Variants in NIBAN1 observed in about 807,000 individuals in gnomAD.
NIBAN1 encodes protein Niban 1.
NIBAN1 carries 81 observed loss-of-function variants against 75.1 expected under a neutral mutation model. That is an observed-to-expected ratio of 1.08 (90% confidence interval 0.90 to 1.30). The LOEUF is 1.30. NIBAN1 is among the 50% of genes most tolerant of loss of function. The pLI is 0.00. For missense variants in NIBAN1, 1,133 were observed against 1,128.1 expected, an observed-to-expected ratio of 1.00 and a Z score of -0.06; for synonymous variants, 436 against 424.8, an observed-to-expected ratio of 1.03 and a Z score of -0.32.
chr1:184,824,286 T>C (rs1373549305), intron 6 of NIBAN1, among the ~76,000 whole-genome samples: 3 of 151,770 alleles, frequency 2.0e-5, no homozygotes, highest in African/African-American at 7.3e-5. Context: ...GGAGGAGCAG[T>C]GTGAAGAAGT....
At chr1:184,857,688 A>G (rs1655714474) in intron 5 of NIBAN1, among the ~76,000 whole-genome samples, 1 of 152,200 alleles carries the variant, frequency 6.6e-6, no homozygotes, top group African/African-American at 2.4e-5. Flanking sequence ...ACAAATAGAT[A>G]TACATATACA....
chr1:184,893,618 A>C (rs533524452), intron 3 of NIBAN1, among the ~76,000 whole-genome samples: 1 of 152,342 alleles, frequency 6.6e-6, no homozygotes, highest in Admixed American at 6.5e-5. Context: ...CCTATGAAAT[A>C]ACTCCTGAGC....
chr1:184,811,191 G>T (rs560738928), intron 9 of NIBAN1, among the ~76,000 whole-genome samples: 1 of 152,310 alleles, frequency 6.6e-6, no homozygotes, highest in Non-Finnish European at 1.5e-5. Flanking sequence ...CTGGTAGTAA[G>T]CAGTAATATT....
intron 9 of NIBAN1, among the ~76,000 whole-genome samples, chr1:184,808,817 T>TTC (rs1169206893): frequency 6.6e-6 from 1 of 152,168 alleles, no homozygotes. Flanking sequence ...AGGTATCCAG[T>TTC]TTGAAGAACT....
chr1:184,941,423 G>A (rs953924388), intron 1 of NIBAN1, among the ~76,000 whole-genome samples: 1 of 152,112 alleles, frequency 6.6e-6, no homozygotes, highest in African/African-American at 2.4e-5. Flanking sequence ...GCCGAGGCAG[G>A]TAGATTGCTT....
At chr1:184,842,373 A>G (rs1655310311) in intron 5 of NIBAN1, among the ~76,000 whole-genome samples, 1 of 152,168 alleles carries the variant, frequency 6.6e-6, no homozygotes, top group Non-Finnish European at 1.5e-5. Flanking sequence ...GAAGCTCCCG[A>G]GGTGATGCTG....
At chr1:184,834,635 G>A (rs969125330) in intron 5 of NIBAN1, among the ~76,000 whole-genome samples, 6 of 152,172 alleles carry the variant, frequency 3.9e-5, no homozygotes, top group African/African-American at 1.4e-4. Flanking sequence ...TCATGTGTCT[G>A]TTGGCTGCAT....
intron 5 of NIBAN1, among the ~76,000 whole-genome samples, chr1:184,872,632 A>T (rs528344903): frequency 6.6e-6 from 1 of 152,192 alleles, no homozygotes; most frequent in Non-Finnish European, 1.5e-5. Flanking sequence ...GCTTGAACCC[A>T]GGAGGTGGAG....
chr1:184,844,606 C>T (rs1435932895), intron 5 of NIBAN1, among the ~76,000 whole-genome samples: 2 of 152,092 alleles, frequency 1.3e-5, no homozygotes, highest in Admixed American at 6.6e-5. Flanking sequence ...TTTATCAGGT[C>T]GGAAAATAAG....
intron 1 of NIBAN1, among the ~76,000 whole-genome samples, chr1:184,942,213 C>T (rs569025193): frequency 1.6e-3 from 241 of 152,300 alleles, no homozygotes; most frequent in African/African-American, 5.5e-3. Flanking sequence ...CCAAGAAACA[C>T]AATAATAAAC....
intron 1 of NIBAN1, among the ~76,000 whole-genome samples, chr1:184,900,413 A>G (rs906556927): frequency 2.0e-5 from 3 of 152,218 alleles, no homozygotes; most frequent in Non-Finnish European, 4.4e-5. Context: ...GAAGGTGCTC[A>G]CTAGTCTACA....
chr1:184,884,560 T>G (rs1349251883), intron 5 of NIBAN1, 73 bp downstream of exon 5: 6 of 1,572,584 alleles, frequency 3.8e-6, no homozygotes, highest in Non-Finnish European at 5.2e-6. Context: ...CTGCAATAGA[T>G]GATGGACCAG....
intron 1 of NIBAN1, among the ~76,000 whole-genome samples, chr1:184,941,125 A>G (rs946028342): frequency 6.6e-5 from 10 of 152,210 alleles, no homozygotes; most frequent in African/African-American, 2.4e-4. Context: ...AAGGAGGAAA[A>G]AGAAAGGAGA....
intron 5 of NIBAN1, among the ~76,000 whole-genome samples, chr1:184,866,419 G>A (rs1462966897): frequency 1.3e-5 from 2 of 152,094 alleles, no homozygotes; most frequent in Non-Finnish European, 2.9e-5. Flanking sequence ...AGATGCAGAG[G>A]GAATTGAAAA....
intron 1 of NIBAN1, among the ~76,000 whole-genome samples, chr1:184,918,385 C>G (rs189057295): frequency 6.6e-6 from 1 of 152,320 alleles, no homozygotes; most frequent in African/African-American, 2.4e-5. Flanking sequence ...CATTAGAAAA[C>G]ACATAACTGA....
At chr1:184,838,431 A>C (rs1163811132) in intron 5 of NIBAN1, among the ~76,000 whole-genome samples, 2 of 152,220 alleles carry the variant, frequency 1.3e-5, no homozygotes, top group Non-Finnish European at 2.9e-5. Flanking sequence ...CTGAGAAACG[A>C]TAAGCATTTG....
intron 1 of NIBAN1, among the ~76,000 whole-genome samples, chr1:184,959,822 A>G (rs993203243): frequency 6.6e-6 from 1 of 152,206 alleles, no homozygotes; most frequent in African/African-American, 2.4e-5. Context: ...TGGATGATGG[A>G]AGCATGAACT....
intron 3 of NIBAN1, among the ~76,000 whole-genome samples, chr1:184,893,792 A>G (rs964660864): frequency 6.6e-6 from 1 of 152,220 alleles, no homozygotes; most frequent in Non-Finnish European, 1.5e-5. Flanking sequence ...ACTTGTTCAA[A>G]GTCTATCTTG....
chr1:184,832,794 G>C (rs898766389), intron 5 of NIBAN1, among the ~76,000 whole-genome samples: 9 of 152,124 alleles, frequency 5.9e-5, no homozygotes, highest in Non-Finnish European at 8.8e-5. Flanking sequence ...TGGAACTTAA[G>C]GTGTATAGAG....
Sources: allele counts gnomAD v4.1 joint callset (sites outside exome capture counted in the v4.1 genomes callset), GRCh38; gene constraint gnomAD v4.1.1; transcripts MANE v1.5; gene names NCBI Gene and HGNC (gene_info 2026-07-23, HGNC 2026-07-21).